The following ROR2 variants were observed in gnomAD, a reference collection of about 807,000 sequenced individuals.
ROR2 encodes the protein tyrosine-protein kinase transmembrane receptor ROR2.
Under a neutral mutation model 74.9 loss-of-function variants are expected in ROR2, and 33 were observed. The observed-to-expected ratio is 0.44, with a 90% CI of 0.33 to 0.59. The LOEUF is 0.59. Ranked by LOEUF, ROR2 falls within the 20% of genes least tolerant of loss-of-function variation. The pLI, the probability that ROR2 is intolerant of heterozygous loss-of-function variation, is 0.02. For synonymous variants in ROR2, 586 were observed against 558.7 expected, an observed-to-expected ratio of 1.05 and a Z score of -0.69; for missense variants, 1,216 against 1,313.8, an observed-to-expected ratio of 0.93 and a Z score of 1.15.
At position 91,725,014 on chromosome 9, in the gene ROR2, C is replaced by T. The variant is rs138310082; in HGVS notation, c.1480G>A (p.Gly494Ser). ...FGKVYKGHLF[G>S]PAPGEQTQAV... ...TGGGTCTGCTCCCCCGGGGCAGGGC[C>T]GAACAGGTGACCTTTGTAGACTTTC... is the stretch of plus-strand genomic sequence containing the variant. The change falls in exon 9 of 9, where the codon GGC becomes AGC. Residue 494 changes from glycine to serine, a missense_variant. Transcript: ENST00000375708. 9.5e-5 allele frequency: 154 copies of T among 1,613,888 alleles called. No individual in the cohort carries two copies. The highest frequency in any genetic ancestry group is 8.1e-4 in the African/African-American group (61 of 75,058).
At chr9:91,750,607 T>C (rs75060403) in intron 4 of ROR2, among the ~76,000 whole-genome samples, 5,535 of 152,110 alleles carry the variant, frequency 0.036, 303 homozygotes, top group East Asian at 0.2. Context: ...AACGTGACAC[T>C]AAGTAGACAG....
intron 7 of ROR2, among the ~76,000 whole-genome samples, chr9:91,729,872 T>A (rs151250495): frequency 2.6e-5 from 4 of 152,322 alleles, no homozygotes; most frequent in Non-Finnish European, 5.9e-5. Context: ...GTGTAAAATC[T>A]GAGAAGCAGT....
chr9:91,740,274 C>T (rs183978788), intron 4 of ROR2, among the ~76,000 whole-genome samples: 20 of 152,196 alleles, frequency 1.3e-4, no homozygotes, highest in South Asian at 6.2e-4. Flanking sequence ...CCAGGCTGGG[C>T]GCGGTGGCTC....
intron 1 of ROR2, among the ~76,000 whole-genome samples, chr9:91,843,382 A>C (rs927827482): frequency 1.3e-5 from 2 of 152,224 alleles, no homozygotes; most frequent in Admixed American, 6.5e-5. Context: ...AAAGACTCAG[A>C]TGGCCCCATC....
At chr9:91,928,806 G>C (rs980256783) in intron 1 of ROR2, among the ~76,000 whole-genome samples, 1 of 152,184 alleles carries the variant, frequency 6.6e-6, no homozygotes, top group Non-Finnish European at 1.5e-5. Flanking sequence ...GAGGACCCCC[G>C]TTCAGTGGTG....
At chr9:91,788,471 G>A (rs1367926332) in intron 1 of ROR2, among the ~76,000 whole-genome samples, 1 of 152,000 alleles carries the variant, frequency 6.6e-6, no homozygotes, top group African/African-American at 2.4e-5. Context: ...CTCATAAAAG[G>A]GATCTTCAAT....
At chr9:91,864,988 C>T (rs1829585906) in intron 1 of ROR2, among the ~76,000 whole-genome samples, 1 of 152,166 alleles carries the variant, frequency 6.6e-6, no homozygotes, top group East Asian at 1.9e-4. Context: ...ACACAGTACT[C>T]CCCTTAGCCA....
intron 1 of ROR2, among the ~76,000 whole-genome samples, chr9:91,924,408 C>T (rs968419331): frequency 2.0e-5 from 3 of 152,264 alleles, no homozygotes; most frequent in African/African-American, 7.2e-5. Context: ...TGCCTGCGTC[C>T]TCCTGTCCCA....
chr9:91,841,361 T>G (rs1296101679), intron 1 of ROR2, among the ~76,000 whole-genome samples: 1 of 152,240 alleles, frequency 6.6e-6, no homozygotes, highest in African/African-American at 2.4e-5. Flanking sequence ...ACACTTTAAA[T>G]GCTCCTCTAC....
Position 91,731,002 on chromosome 9 carries a change from T to C in ROR2, c.1091A>G (p.Tyr364Cys). ...DFPELGGGHA[Y>C]CRNPGGQMEG... ...CATCTGGCCTCCGGGGTTCCGGCAGTAGGCGTGCCCCCCTCCAAGCTCAGG... is the reference window on the plus strand; with the variant it reads ...CATCTGGCCTCCGGGGTTCCGGCAGCAGGCGTGCCCCCCTCCAAGCTCAGG... The change falls in exon 7 of 9, where the codon TAC becomes TGC. Residue 364 changes from tyrosine (Y) to cysteine (C), a missense_variant. Transcript: ENST00000375708. 1.2e-6 allele frequency: 2 copies of C among 1,614,138 alleles called. No individual in the cohort carries two copies. The highest frequency in any genetic ancestry group is 1.7e-6 in the Non-Finnish European group (2 of 1,180,020).
chr9:91,919,158 C>G (rs1040996948), intron 1 of ROR2, among the ~76,000 whole-genome samples: 1 of 152,208 alleles, frequency 6.6e-6, no homozygotes, highest in Non-Finnish European at 1.5e-5. Context: ...CTTCCTCATA[C>G]TGCCAGGATA....
intron 1 of ROR2, among the ~76,000 whole-genome samples, chr9:91,816,393 C>G (rs1430242270): frequency 6.6e-6 from 1 of 152,206 alleles, no homozygotes; most frequent in African/African-American, 2.4e-5. Flanking sequence ...CCTGCCCAGG[C>G]TCTTTGGGCA....
chr9:91,945,528 T>A (rs747075228), intron 1 of ROR2, among the ~76,000 whole-genome samples: 1 of 152,206 alleles, frequency 6.6e-6, no homozygotes, highest in Non-Finnish European at 1.5e-5. Flanking sequence ...ATTAAAGACA[T>A]ACACACCACT....
intron 1 of ROR2, among the ~76,000 whole-genome samples, chr9:91,908,873 T>C (rs763695764): frequency 6.6e-6 from 1 of 151,606 alleles, no homozygotes. Context: ...TGAAAACCCA[T>C]AAAACTGACA....
At chr9:91,875,028 G>A (rs1391427222) in intron 1 of ROR2, among the ~76,000 whole-genome samples, 2 of 151,932 alleles carry the variant, frequency 1.3e-5, no homozygotes, top group East Asian at 1.9e-4. Flanking sequence ...GTAAATTAAC[G>A]GACACTTACA....
intron 1 of ROR2, among the ~76,000 whole-genome samples, 193 bp downstream of exon 1, chr9:91,949,674 T>G (rs890880570): frequency 1.3e-5 from 2 of 151,944 alleles, no homozygotes; most frequent in Non-Finnish European, 2.9e-5. Flanking sequence ...CGCGGCTTAT[T>G]GTAACCAGCC....
intron 1 of ROR2, among the ~76,000 whole-genome samples, chr9:91,809,632 A>T (rs1193433954): frequency 6.6e-6 from 1 of 152,212 alleles, no homozygotes; most frequent in African/African-American, 2.4e-5. Context: ...GGCCAGCGGC[A>T]CTCGCCAGTG....
intron 1 of ROR2, among the ~76,000 whole-genome samples, chr9:91,781,084 A>G (rs1359424196): frequency 1.3e-5 from 2 of 152,220 alleles, no homozygotes; most frequent in Non-Finnish European, 2.9e-5. Flanking sequence ...AGTCTTCAGG[A>G]TGTTCAGACA....
chr9:91,744,766 A>G (rs915264773), intron 4 of ROR2, among the ~76,000 whole-genome samples: 1 of 152,216 alleles, frequency 6.6e-6, no homozygotes. Context: ...CCAGGATCAC[A>G]TAAGGTGGCC....
Sources: allele counts gnomAD v4.1 joint callset (sites outside exome capture counted in the v4.1 genomes callset), GRCh38; gene constraint gnomAD v4.1.1; transcripts MANE v1.5; gene names NCBI Gene and HGNC (gene_info 2026-07-23, HGNC 2026-07-21).